MAML2: variants seen among roughly 807,000 people sequenced by gnomAD.
The protein encoded by MAML2 is mastermind like transcriptional coactivator 2, also known as mastermind-like protein 2.
MAML2 carries 22 observed loss-of-function variants against 96.1 expected under a neutral mutation model. The observed-to-expected ratio is 0.23, with a 90% CI of 0.16 to 0.33. The LOEUF (loss-of-function observed/expected upper bound fraction) is 0.33. Among genes scored for constraint, MAML2 ranks in the 10% least tolerant of loss-of-function variants. The pLI, the probability that MAML2 is intolerant of heterozygous loss-of-function variation, is 1.00. For synonymous variants in MAML2, 561 were observed against 521.3 expected, an observed-to-expected ratio of 1.08 and a Z score of -1.04; for missense variants, 1,367 against 1,392.4, an observed-to-expected ratio of 0.98 and a Z score of 0.29.
At chr11:96,335,181 TA>T (rs1039300626) in intron 1 of MAML2, among the ~76,000 whole-genome samples, 1 of 152,204 alleles carries the variant, frequency 6.6e-6, no homozygotes, top group African/African-American at 2.4e-5. Flanking sequence ...TTAAGGCAAG[TA>T]AAAAATTTGT....
chr11:96,343,170 A>AGGAGAG lies in MAML2; in HGVS notation c.-1281_-1276dup, dbSNP rs962751508. ...ACACAGGCTTTCATTGTGCTCCGAT[A>AGGAGAG]GGAGAGGGAGAGAAAGAGAGAGAGT... On this transcript the variant is annotated 5_prime_UTR_variant, in exon 1 of 5. Transcript: ENST00000524717. 1.2e-5 allele frequency: 4 copies of AGGAGAG among 336,448 alleles called. No individual in the cohort carries two copies. The highest frequency in any genetic ancestry group is 2.1e-5 in the Non-Finnish European group (4 of 187,500). The allele number at this position is 336,448 out of a possible 1,614,324, so 20.8% of individuals were successfully genotyped here.
chr11:96,007,088 C>A (rs1858193579), intron 2 of MAML2, among the ~76,000 whole-genome samples: 1 of 150,900 alleles, frequency 6.6e-6, no homozygotes, highest in Non-Finnish European at 1.5e-5. Flanking sequence ...CTGCAACCTC[C>A]CCCTCTTGAG....
intron 1 of MAML2, among the ~76,000 whole-genome samples, chr11:96,153,586 C>T (rs1431719452): frequency 6.6e-6 from 1 of 152,046 alleles, no homozygotes; most frequent in Non-Finnish European, 1.5e-5. Flanking sequence ...AGGTAGTGGC[C>T]TGTGTTTCAG....
chr11:96,302,200 T>A (rs1863395211), intron 1 of MAML2, among the ~76,000 whole-genome samples: 1 of 152,242 alleles, frequency 6.6e-6, no homozygotes, highest in Non-Finnish European at 1.5e-5. Context: ...CAGTGTTGTC[T>A]GTGGCAGTAA....
chr11:96,239,835 CT>C (rs1051793996), intron 1 of MAML2, among the ~76,000 whole-genome samples: 4 of 152,216 alleles, frequency 2.6e-5, no homozygotes, highest in African/African-American at 9.6e-5. Context: ...TCTTCACCCC[CT>C]GACCCCTTTC....
chr11:96,317,149 GT>G (rs1863643604), intron 1 of MAML2, among the ~76,000 whole-genome samples: 1 of 152,108 alleles, frequency 6.6e-6, no homozygotes, highest in South Asian at 2.1e-4. Flanking sequence ...GGAGTAAATT[GT>G]TCCATCTGGG....
intron 2 of MAML2, among the ~76,000 whole-genome samples, chr11:96,066,521 C>G (rs1859248119): frequency 1.3e-5 from 2 of 152,188 alleles, no homozygotes; most frequent in Non-Finnish European, 2.9e-5. Flanking sequence ...TAGACACTTA[C>G]TCTATATTGA....
intron 1 of MAML2, among the ~76,000 whole-genome samples, chr11:96,244,248 A>G (rs982522872): frequency 6.6e-6 from 1 of 152,204 alleles, no homozygotes; most frequent in African/African-American, 2.4e-5. Flanking sequence ...AGAAACTACA[A>G]ACATTTGACT....
intron 1 of MAML2, among the ~76,000 whole-genome samples, chr11:96,194,838 C>T (rs1861706233): frequency 6.8e-6 from 1 of 148,054 alleles, no homozygotes; most frequent in Admixed American, 6.6e-5. Context: ...TCCCTCCCTG[C>T]CCCTCAACCT....
At chr11:96,337,425 C>A (rs1339360974) in intron 1 of MAML2, among the ~76,000 whole-genome samples, 1 of 152,198 alleles carries the variant, frequency 6.6e-6, no homozygotes, top group Admixed American at 6.5e-5. Context: ...ACATTTTAGA[C>A]AATTGTTGAC....
At chr11:96,236,573 C>T (rs570187872) in intron 1 of MAML2, among the ~76,000 whole-genome samples, 9 of 152,152 alleles carry the variant, frequency 5.9e-5, no homozygotes, top group South Asian at 4.1e-4. Flanking sequence ...AATATGCATA[C>T]GTGGAATTTA....
At chr11:96,291,121 T>C (rs1412346473) in intron 1 of MAML2, among the ~76,000 whole-genome samples, 1 of 134,086 alleles carries the variant, frequency 7.5e-6, no homozygotes, top group East Asian at 2.1e-4. Flanking sequence ...AAGCCTTTTT[T>C]TTTTTTTTTT....
intron 1 of MAML2, among the ~76,000 whole-genome samples, chr11:96,098,916 A>G (rs950299067): frequency 6.6e-6 from 1 of 152,198 alleles, no homozygotes; most frequent in South Asian, 2.1e-4. Flanking sequence ...GGATTTGAAA[A>G]TGCCATTATT....
chr11:96,122,500 GTGTGT>G (rs1565221693), intron 1 of MAML2, among the ~76,000 whole-genome samples: 1,432 of 86,418 alleles, frequency 0.017, 29 homozygotes, highest in African/African-American at 0.061. Context: ...TAGGCTGGGT[GTGTGT>G]GTGTGTGTGT....
At chr11:96,255,738 G>A (rs147095943) in intron 1 of MAML2, among the ~76,000 whole-genome samples, 246 of 152,180 alleles carry the variant, frequency 1.6e-3, no homozygotes, top group Non-Finnish European at 2.5e-3. Flanking sequence ...CACAGGCTAC[G>A]AATGCAGAGC....
chr11:96,283,589 G>A (rs1029274458), intron 1 of MAML2, among the ~76,000 whole-genome samples: 1 of 152,162 alleles, frequency 6.6e-6, no homozygotes, highest in Admixed American at 6.5e-5. Context: ...TTAAACATGT[G>A]AGAAATGTAT....
chr11:96,118,965 T>C (rs1386720487), intron 1 of MAML2, among the ~76,000 whole-genome samples: 1 of 152,170 alleles, frequency 6.6e-6, no homozygotes, highest in Non-Finnish European at 1.5e-5. Flanking sequence ...CTCTGAACCC[T>C]CTGTCTCTCC....
intron 1 of MAML2, among the ~76,000 whole-genome samples, chr11:96,316,354 A>G (rs1262201827): frequency 6.6e-6 from 1 of 152,250 alleles, no homozygotes; most frequent in Non-Finnish European, 1.5e-5. Flanking sequence ...ATACATAAAT[A>G]AACACAGAAA....
At chr11:96,079,471 A>G (rs1056117784) in intron 2 of MAML2, among the ~76,000 whole-genome samples, 1 of 152,208 alleles carries the variant, frequency 6.6e-6, no homozygotes, top group African/African-American at 2.4e-5. Flanking sequence ...ATAAACATGG[A>G]TCTGGATTCC....
Sources: gnomAD v4.1 joint callset for allele counts (sites outside exome capture counted in the v4.1 genomes callset) on GRCh38, gnomAD v4.1.1 for gene constraint, MANE v1.5 for transcripts, NCBI Gene and HGNC (gene_info 2026-07-23, HGNC 2026-07-21) for gene names.